CFTR: variants seen among roughly 807,000 people sequenced by gnomAD.
CFTR encodes the protein CF transmembrane conductance regulator.
Under a neutral mutation model 171.6 loss-of-function variants are expected in CFTR, and 181 were observed. The ratio of observed to expected loss-of-function variants is 1.05; its 90% CI spans 0.93 to 1.19. CFTR has a LOEUF of 1.19. CFTR is among the 50% of genes most tolerant of loss of function. The probability of loss-of-function intolerance (pLI) is 0.00; values close to 1 mark genes in which losing one functional copy is unlikely to be tolerated. For missense variants in CFTR, 1,968 were observed against 1,734.7 expected, an observed-to-expected ratio of 1.13 and a Z score of -2.39; for synonymous variants, 583 against 608.0, an observed-to-expected ratio of 0.96 and a Z score of 0.60.
In CFTR at chr7:117,654,564, A is replaced by C. The variant is rs943333917; in HGVS notation, c.3963+1633A>C. On this transcript the variant is annotated intron_variant, in intron 24 of 26. Coordinates refer to ENST00000003084, the MANE Select transcript of CFTR (RefSeq NM_000492.4). The stretch of plus-strand genomic sequence containing the variant: ...TGGGCATGGTTTTCCCATGCTGTTC[A>C]TGTGATAGTGAGTGAGTTCTCACGA... Among the ~76,000 whole-genome samples the C allele has an allele frequency of 3.3e-5, 5 of 152,042 alleles. No homozygotes were observed. The highest frequency in any genetic ancestry group is 7.4e-5 in the Non-Finnish European group (5 of 68,014).
chr7:117,548,461 C>G (rs1180963732), intron 9 of CFTR, among the ~76,000 whole-genome samples, 180 bp from the exon 10 acceptor site: 1 of 151,564 alleles, frequency 6.6e-6, no homozygotes, highest in Non-Finnish European at 1.5e-5. Flanking sequence ...ATCATGTCCT[C>G]TAGAAACCGT....
intron 1 of CFTR, among the ~76,000 whole-genome samples, chr7:117,481,559 G>T (rs373715909): frequency 2.0e-5 from 3 of 152,066 alleles, no homozygotes; most frequent in South Asian, 2.1e-4. Context: ...TTTAATATAG[G>T]TTAAAAAATG....
At chr7:117,595,134 T>TAC in intron 15 of CFTR, 76 bp downstream of exon 15, 1 of 1,173,814 alleles carries the variant, frequency 8.5e-7, no homozygotes, top group East Asian at 2.4e-5. Flanking sequence ...TACATATATA[T>TAC]GCACACACAT....
intron 11 of CFTR, among the ~76,000 whole-genome samples, chr7:117,570,193 T>TAA (rs1309095469): frequency 5.0e-5 from 6 of 120,808 alleles, no homozygotes; most frequent in South Asian, 5.2e-4. Context: ...TCTCCTTACT[T>TAA]AAAAAAAAAA....
intron 16 of CFTR, among the ~76,000 whole-genome samples, chr7:117,603,127 G>A (rs1192205763): frequency 2.0e-5 from 3 of 152,010 alleles, no homozygotes; most frequent in Non-Finnish European, 4.4e-5. Context: ...GTATCATTGT[G>A]AGTAGCCACC....
At chr7:117,524,751 C>T (rs1358298183) in intron 3 of CFTR, among the ~76,000 whole-genome samples, 2 of 152,092 alleles carry the variant, frequency 1.3e-5, no homozygotes, top group Non-Finnish European at 2.9e-5. Context: ...CACAACTGCT[C>T]CAATGTATGG....
At chr7:117,629,695 T>C (rs1792709125) in intron 22 of CFTR, among the ~76,000 whole-genome samples, 1 of 152,190 alleles carries the variant, frequency 6.6e-6, no homozygotes, top group East Asian at 1.9e-4. Context: ...GGTGACTCCA[T>C]TTTTACTTTT....
chr7:117,535,213 A>G (rs773144742), intron 5 of CFTR, 35 bp from the exon 6 acceptor site: 6 of 1,612,190 alleles, frequency 3.7e-6, no homozygotes, highest in Non-Finnish European at 4.2e-6. Flanking sequence ...GGAAGATACA[A>G]TGACACCTGT....
In CFTR at chr7:117,497,373, A is replaced by G. The variant is rs1228193962; in HGVS notation, c.54-6880A>G. Among the ~76,000 whole-genome samples, 9 of 152,286 alleles carry G rather than the reference A, an allele frequency of 5.9e-5. No homozygotes were observed. The South Asian group carries it at 1.9e-3, about 32-fold the overall frequency. Reference sequence around the variant, plus strand: ...ATTCTGGTGCTTTGAAAATTAAACCAAAGCCAAGCAGTTGATATGAAGAAG... The same window carrying G: ...ATTCTGGTGCTTTGAAAATTAAACCGAAGCCAAGCAGTTGATATGAAGAAG... On this transcript the variant is annotated intron_variant, in intron 1 of 26. Transcript: ENST00000003084.
intron 10 of CFTR, among the ~76,000 whole-genome samples, chr7:117,552,300 G>A (rs1386374194): frequency 6.6e-6 from 1 of 151,750 alleles, no homozygotes; most frequent in Non-Finnish European, 1.5e-5. Context: ...GGTCCAATAT[G>A]CATATATATA....
rs1188867327 is a variant in CFTR at position 117,636,661 on chromosome 7, T to C, written c.3718-5777T>C. On this transcript the variant is annotated intron_variant, in intron 22 of 26. Transcript: ENST00000003084. Reference sequence around the variant, plus strand: ...CTCAGAGATTCTTTCTTCAGCTGTGTTCAGTCTACCAATGAGTCCATCAAA... The same window carrying C: ...CTCAGAGATTCTTTCTTCAGCTGTGCTCAGTCTACCAATGAGTCCATCAAA... 2.6e-5 allele frequency among the ~76,000 whole-genome samples: 4 copies of C among 152,086 alleles called. No individual in the cohort carries two copies. In the East Asian group the frequency reaches 7.7e-4, roughly 29 times the overall value.
chr7:117,534,952 C>T (rs1051652291), intron 5 of CFTR, among the ~76,000 whole-genome samples: 1 of 152,178 alleles, frequency 6.6e-6, no homozygotes, highest in African/African-American at 2.4e-5. Context: ...AAGTAAGTTA[C>T]TTAAAACCTG....
chr7:117,505,256 G>T (rs141306695), intron 2 of CFTR, among the ~76,000 whole-genome samples: 2 of 152,064 alleles, frequency 1.3e-5, no homozygotes, highest in African/African-American at 4.8e-5. Context: ...CTCTAGGAAT[G>T]GTAGTCCCCC....
chr7:117,573,966 CT>C, intron 11 of CFTR, among the ~76,000 whole-genome samples: 2 of 152,134 alleles, frequency 1.3e-5, no homozygotes, highest in South Asian at 4.2e-4. Flanking sequence ...GAATTTGTCC[CT>C]GTGTGTAAGG....
In CFTR at chr7:117,640,650, C is replaced by T. The variant is rs539764645; in HGVS notation, c.3718-1788C>T. 1.7e-4 allele frequency among the ~76,000 whole-genome samples: 26 copies of T among 152,212 alleles called. No homozygotes were observed. The South Asian group carries it at 5.0e-3, about 29-fold the overall frequency. On this transcript the variant is annotated intron_variant, in intron 22 of 26. Transcript: ENST00000003084. ...GGGCATATTCAAGTTGCTTATACAA[C>T]ACTTTACTATTGTGTTAGAAAAATC...
chr7:117,643,949 A>T (rs1440421767), intron 23 of CFTR, among the ~76,000 whole-genome samples: 2 of 152,128 alleles, frequency 1.3e-5, no homozygotes, highest in Non-Finnish European at 2.9e-5. Flanking sequence ...GTTTTATTGC[A>T]TGTTTGACGT....
At chr7:117,492,500 C>A (rs897426669) in intron 1 of CFTR, among the ~76,000 whole-genome samples, 3 of 151,868 alleles carry the variant, frequency 2.0e-5, no homozygotes, top group Admixed American at 6.6e-5. Flanking sequence ...CTGCTCTGTT[C>A]CAGGCACTGA....
intron 23 of CFTR, among the ~76,000 whole-genome samples, chr7:117,648,790 C>T (rs1793035843): frequency 6.6e-6 from 1 of 152,080 alleles, no homozygotes; most frequent in African/African-American, 2.4e-5. Context: ...CTAAGACACC[C>T]ACTGGCACCC....
At position 117,648,069 on chromosome 7, in the gene CFTR, GTA is replaced by G. The variant is rs5886870; in HGVS notation, c.3874-4761_3874-4760del. ...ACATTATTTATATATATGTATATATGTATATATATATATGTATTTATATATAT... is the reference window on the plus strand; with the variant it reads ...ACATTATTTATATATATGTATATATGTATATATATATGTATTTATATATAT... On this transcript the variant is annotated intron_variant, in intron 23 of 26. Transcript: ENST00000003084. 7.2e-3 allele frequency among the ~76,000 whole-genome samples: 1,039 copies of G among 144,522 alleles called. 11 individuals are homozygous for G. The highest frequency in any genetic ancestry group is 0.021 in the African/African-American group (815 of 39,596). 94.8% of individuals were successfully genotyped at this position (144,522 alleles called of 152,430 possible). A position where few individuals can be genotyped will look rare whatever the true frequency, so the allele number is the denominator to read the frequency against.
Sources: allele counts gnomAD v4.1 joint callset (sites outside exome capture counted in the v4.1 genomes callset), GRCh38; gene constraint gnomAD v4.1.1; transcripts MANE v1.5; gene names NCBI Gene and HGNC (gene_info 2026-07-23, HGNC 2026-07-21).